CAMK1D: variants seen among roughly 807,000 people sequenced by gnomAD.
CAMK1D encodes the protein calcium/calmodulin-dependent protein kinase type 1D.
In CAMK1D, 9 loss-of-function variants were observed where a neutral mutation model predicts 47.7. The observed-to-expected ratio is 0.19, with a 90% CI of 0.11 to 0.33. CAMK1D has a LOEUF of 0.33. Ranked by LOEUF, CAMK1D falls within the 10% of genes least tolerant of loss-of-function variation. CAMK1D has a pLI of 1.00. For synonymous variants in CAMK1D, 184 were observed against 184.9 expected (o/e 0.99, Z 0.04); for missense variants, 291 against 488.7 (o/e 0.60, Z 3.81).
chr10:12,593,864 G>A (rs2132369082), intron 2 of CAMK1D, among the ~76,000 whole-genome samples: 1 of 152,280 alleles, frequency 6.6e-6, no homozygotes, highest in African/African-American at 2.4e-5. Flanking sequence ...TGGATTGGAA[G>A]TTGCGTTGCC....
At chr10:12,368,898 A>C (rs1837928424) in intron 1 of CAMK1D, among the ~76,000 whole-genome samples, 1 of 152,092 alleles carries the variant, frequency 6.6e-6, no homozygotes, top group Admixed American at 6.6e-5. Flanking sequence ...GCTCACTGCA[A>C]CCTCTGTCTC....
rs781669327 is a variant in CAMK1D at position 12,578,570 on chromosome 10, C to CAAAAA, written c.224+25225_224+25229dup. Among the ~76,000 whole-genome samples, 22 of 93,312 alleles carry CAAAAA rather than the reference C, an allele frequency of 2.4e-4. 5 individuals are homozygous for CAAAAA. Among genetic ancestry groups the CAAAAA allele is most frequent in the Non-Finnish European group, 2.4e-4 (12 of 50,850 alleles). The allele number at this position is 93,312 out of a possible 152,430, so 61.2% of individuals were successfully genotyped here. On this transcript the variant is annotated intron_variant, in intron 2 of 10. Transcript: ENST00000619168. ...GGGCAACAAGAGCTAAACTCCATCT[C>CAAAAA]AAAAAAAAAAAAAAAGTTTTGTAGA...
chr10:12,535,296 C>G (rs1055074398), intron 1 of CAMK1D, among the ~76,000 whole-genome samples: 5 of 152,312 alleles, frequency 3.3e-5, no homozygotes, highest in Admixed American at 2.6e-4. Flanking sequence ...TAGGATACCA[C>G]CAAATTTCAC....
chr10:12,746,086 C>A (rs1053025649), intron 3 of CAMK1D, among the ~76,000 whole-genome samples: 2 of 152,080 alleles, frequency 1.3e-5, no homozygotes, highest in African/African-American at 4.8e-5. Context: ...CTGTATTTGT[C>A]CCGATGCCGG....
chr10:12,617,276 A>G (rs1224333030), intron 2 of CAMK1D, among the ~76,000 whole-genome samples: 1 of 152,222 alleles, frequency 6.6e-6, no homozygotes, highest in East Asian at 1.9e-4. Context: ...TTTTTTCACA[A>G]CAAGAAAAGT....
At chr10:12,379,174 G>A (rs993524560) in intron 1 of CAMK1D, among the ~76,000 whole-genome samples, 1 of 152,096 alleles carries the variant, frequency 6.6e-6, no homozygotes, top group Admixed American at 6.5e-5. Context: ...AAAATTTGAG[G>A]GGTTCCTAAA....
chr10:12,482,077 G>T (rs969327527), intron 1 of CAMK1D, among the ~76,000 whole-genome samples: 6 of 152,238 alleles, frequency 3.9e-5, no homozygotes, highest in African/African-American at 1.4e-4. Flanking sequence ...TTTCCCTTGA[G>T]GGGGTGGTTA....
intron 1 of CAMK1D, among the ~76,000 whole-genome samples, chr10:12,522,853 CGGCTGGCCGGGCGGGGGCTG>C (rs1835473045): frequency 1.7e-5 from 1 of 59,746 alleles, no homozygotes; most frequent in African/African-American, 6.9e-5. Context: ...CCGGACAGGG[CGGCTGGCCGGGCGGGGGCTG>C]ACCCCCCACC....
At chr10:12,781,891 A>G (rs1588920167) in intron 5 of CAMK1D, among the ~76,000 whole-genome samples, 1 of 150,784 alleles carries the variant, frequency 6.6e-6, no homozygotes, top group Non-Finnish European at 1.5e-5. Context: ...CAGGTGACCC[A>G]CCGGCCTCAG....
intron 1 of CAMK1D, among the ~76,000 whole-genome samples, chr10:12,487,686 CA>C (rs1269304074): frequency 1.3e-5 from 2 of 152,218 alleles, no homozygotes; most frequent in East Asian, 1.9e-4. Flanking sequence ...GTGGATCCTA[CA>C]AGGGGCTTTT....
At chr10:12,786,308 A>G (rs1008517606) in intron 5 of CAMK1D, among the ~76,000 whole-genome samples, 4 of 152,190 alleles carry the variant, frequency 2.6e-5, no homozygotes, top group African/African-American at 4.8e-5. Context: ...CAGAAGACAA[A>G]TAGTTTACCC....
rs61703961 is a variant in CAMK1D, at chr10:12,588,866, ATGTG to A, written c.224+35525_224+35528del. ...TGTATATATACATGTATATGTATAT[ATGTG>A]TGTGTGTGTGTGTGCGTGCGTGTGT... On this transcript the variant is annotated intron_variant, in intron 2 of 10. Coordinates refer to ENST00000619168, the MANE Select transcript of CAMK1D (RefSeq NM_153498.4). Among the ~76,000 whole-genome samples the A allele has an allele frequency of 1.7e-3, 239 of 144,374 alleles. 1 individual carries two copies. The highest frequency in any genetic ancestry group is 0.012 in the South Asian group (58 of 4,716). 94.7% of individuals were successfully genotyped at this position (144,374 alleles called of 152,430 possible).
At chr10:12,372,277 A>T (rs1838027300) in intron 1 of CAMK1D, among the ~76,000 whole-genome samples, 1 of 152,200 alleles carries the variant, frequency 6.6e-6, no homozygotes, top group Non-Finnish European at 1.5e-5. Flanking sequence ...TTTCATACTA[A>T]ACCTGCACAG....
intron 1 of CAMK1D, among the ~76,000 whole-genome samples, chr10:12,444,893 G>A (rs1247529391): frequency 6.6e-6 from 1 of 152,196 alleles, no homozygotes; most frequent in Non-Finnish European, 1.5e-5. Context: ...CAGACTCTTA[G>A]TTAAATCTCT....
At chr10:12,520,439 T>C (rs1348860348) in intron 1 of CAMK1D, among the ~76,000 whole-genome samples, 2 of 73,442 alleles carry the variant, frequency 2.7e-5, no homozygotes, top group Non-Finnish European at 5.6e-5. Context: ...CTCCTCACTT[T>C]CCAGACTGGG....
intron 1 of CAMK1D, among the ~76,000 whole-genome samples, chr10:12,444,718 T>A (rs1832880108): frequency 6.6e-6 from 1 of 152,188 alleles, no homozygotes; most frequent in South Asian, 2.1e-4. Flanking sequence ...TTCAAAGGTT[T>A]TCTGATTAGC....
chr10:12,573,529 T>G (rs563252811), intron 2 of CAMK1D, among the ~76,000 whole-genome samples: 37 of 152,340 alleles, frequency 2.4e-4, no homozygotes, highest in African/African-American at 8.9e-4. Flanking sequence ...GGGACTCACT[T>G]TCTGCAGTTC....
rs182708643 is a variant in CAMK1D, at chr10:12,653,396, A to G, written c.225-13340A>G. On this transcript the variant is annotated intron_variant, in intron 2 of 10. Transcript: ENST00000619168. The stretch of plus-strand genomic sequence containing the variant: ...TATGCACACTGATAGAGATGATCAG[A>G]AAATAAGAAATTATGTTTAAAAACA... Among the ~76,000 whole-genome samples the G allele has an allele frequency of 1.3e-4, 20 of 152,362 alleles. No individual in the cohort carries two copies. The East Asian group carries it at 3.7e-3, about 28-fold the overall frequency.
At chr10:12,711,064 G>A (rs1833919168) in intron 3 of CAMK1D, among the ~76,000 whole-genome samples, 1 of 152,158 alleles carries the variant, frequency 6.6e-6, no homozygotes, top group South Asian at 2.1e-4. Flanking sequence ...AGTCATGAAA[G>A]TCTGTCCTCT....
Sources: gnomAD v4.1 joint callset for allele counts (sites outside exome capture counted in the v4.1 genomes callset) on GRCh38, gnomAD v4.1.1 for gene constraint, MANE v1.5 for transcripts, NCBI Gene and HGNC (gene_info 2026-07-23, HGNC 2026-07-21) for gene names.